Variants in TELO2 observed in about 807,000 individuals in gnomAD.
The protein encoded by TELO2 is telomere maintenance 2.
Under a neutral mutation model 91.0 loss-of-function variants are expected in TELO2, and 71 were observed. That is an observed-to-expected ratio of 0.78 (90% CI 0.64 to 0.95). The LOEUF (loss-of-function observed/expected upper bound fraction) is 0.95, where lower values mean the gene tolerates loss of function less well. Among genes scored for constraint, TELO2 ranks in the 40% least tolerant of loss-of-function variants. The pLI, the probability that TELO2 is intolerant of heterozygous loss-of-function variation, is 0.00. For missense variants in TELO2, 1,183 were observed against 1,141.3 expected (o/e 1.04, Z -0.53); for synonymous variants, 584 against 518.9 (o/e 1.13, Z -1.71).
chr16:1,497,737 C>T lies in TELO2; in HGVS notation c.830+229C>T, dbSNP rs571098523. Among the ~76,000 whole-genome samples the T allele has an allele frequency of 8.5e-5, 13 of 152,284 alleles. No individual in the cohort carries two copies. Among genetic ancestry groups the T allele is most frequent in the African/African-American group, 3.1e-4 (13 of 41,568 alleles). Reference sequence around the variant, plus strand: ...AATAGCATCGATGCTGTGAACAGCCCACACCGTAAAGGCGCCTGTACCTTG... The same window carrying T: ...AATAGCATCGATGCTGTGAACAGCCTACACCGTAAAGGCGCCTGTACCTTG... On this transcript the variant is annotated intron_variant, in intron 5 of 20. Transcript: ENST00000262319. The surrounding 1 kb of genome is among the most constrained non-coding windows in gnomAD (Gnocchi z 4.0).
intron 16 of TELO2, among the ~76,000 whole-genome samples, 196 bp from the exon 17 acceptor site, chr16:1,506,032 GGTCTGCTGTC>G (rs2039880284): frequency 6.6e-6 from 1 of 152,232 alleles, no homozygotes; most frequent in Non-Finnish European, 1.5e-5. Flanking sequence ...GGGAACGCCT[GGTCTGCTGTC>G]CAGGCATTGG....
intron 12 of TELO2, 37 bp downstream of exon 12, chr16:1,502,172 G>A: frequency 6.2e-7 from 1 of 1,610,170 alleles, no homozygotes; most frequent in South Asian, 1.1e-5. Context: ...GCTGGGCTGG[G>A]CATGGGTCCC....
Position 1,505,234 on chromosome 16 carries a change from C to T in TELO2, c.1843-176C>T, listed in dbSNP as rs1222767422. On this transcript the variant is annotated intron_variant, in intron 15 of 20. Coordinates refer to ENST00000262319, the MANE Select transcript of TELO2 (RefSeq NM_016111.4). The surrounding 1 kb of genome is among the most constrained non-coding windows in gnomAD (Gnocchi z 4.3). Reference sequence around the variant, plus strand: ...CCACCTTCCCCACCTTCCCGCCTACCAAGGCGCGGTTGCTGTGAGCTACGG... The same window carrying T: ...CCACCTTCCCCACCTTCCCGCCTACTAAGGCGCGGTTGCTGTGAGCTACGG... The T allele has an allele frequency of 1.4e-6, 1 of 701,530 alleles. No homozygotes were observed. Among genetic ancestry groups the T allele is most frequent in the Non-Finnish European group, 2.3e-6 (1 of 436,286 alleles). 43.5% of individuals were successfully genotyped at this position (701,530 alleles called of 1,614,324 possible). A position where few individuals can be genotyped will look rare whatever the true frequency, so the allele number is the denominator to read the frequency against.
chr16:1,509,353 G>A (rs781298791), intron 20 of TELO2, among the ~76,000 whole-genome samples: 6 of 151,920 alleles, frequency 3.9e-5, no homozygotes, highest in East Asian at 1.9e-4. Context: ...AAGGCTCCCC[G>A]GGGCCCCAGG....
At chr16:1,501,972 G>A in intron 11 of TELO2, 75 bp from the exon 12 acceptor site, 1 of 1,593,016 alleles carries the variant, frequency 6.3e-7, no homozygotes, top group Non-Finnish European at 8.6e-7. Context: ...GGGGAGGAGA[G>A]AGGGGCTGGC....
intron 5 of TELO2, among the ~76,000 whole-genome samples, chr16:1,499,010 C>T (rs533163236): frequency 1.6e-4 from 25 of 152,340 alleles, no homozygotes; most frequent in South Asian, 6.2e-4. Context: ...CGCCTCCGCC[C>T]GGGCTGCGGT....
At position 1,497,249 on chromosome 16, in the gene TELO2, G is replaced by T; in HGVS notation, c.683-112G>T. ...CTGTCCTGGGCCCGTGGGATCTGGG[G>T]CTCAGCTGTGCTTACTGGGGAGCTG... is the stretch of plus-strand genomic sequence containing the variant. On this transcript the variant is annotated intron_variant, in intron 4 of 20. Coordinates refer to ENST00000262319, the MANE Select transcript of TELO2 (RefSeq NM_016111.4). The surrounding 1 kb of genome is among the most constrained non-coding windows in gnomAD (Gnocchi z 4.0). The T allele has an allele frequency of 6.7e-7, 1 of 1,489,938 alleles. No homozygotes were observed. Among genetic ancestry groups the T allele is most frequent in the Non-Finnish European group, 9.0e-7 (1 of 1,111,776 alleles). The allele number at this position is 1,489,938 out of a possible 1,614,324, so 92.3% of individuals were successfully genotyped here.
At position 1,494,175 on chromosome 16, in the gene TELO2, C is replaced by A; in HGVS notation, c.-36-71C>A. 1 of 1,116,004 alleles carries A rather than the reference C, an allele frequency of 9.0e-7. No homozygotes were observed. Among genetic ancestry groups the A allele is most frequent in the Non-Finnish European group, 1.3e-6 (1 of 782,438 alleles). 69.1% of individuals were successfully genotyped at this position (1,116,004 alleles called of 1,614,324 possible). Reference sequence around the variant, plus strand: ...GAGGGGTGTGGGGTCTCGGGGCGCTCACCGAGGGGCTTCCTGAGCTTGTGT... The same window carrying A: ...GAGGGGTGTGGGGTCTCGGGGCGCTAACCGAGGGGCTTCCTGAGCTTGTGT... On this transcript the variant is annotated intron_variant, in intron 1 of 20. Coordinates refer to ENST00000262319, the MANE Select transcript of TELO2 (RefSeq NM_016111.4). The surrounding 1 kb of genome is among the most constrained non-coding windows in gnomAD (Gnocchi z 5.6).
rs1237510271 is a variant in TELO2 at position 1,510,044 on chromosome 16, G to A, written c.*108G>A. ...TTGTAGCGAGGCCAGGTCTTCGGCC[G>A]CATCCGGTACGGAGAGTGCAGATGC... On this transcript the variant is annotated 3_prime_UTR_variant, in exon 21 of 21. Transcript: ENST00000262319. 1.4e-5 allele frequency: 13 copies of A among 941,822 alleles called. No homozygotes were observed. Among genetic ancestry groups the A allele is most frequent in the Admixed American group, 8.9e-5 (4 of 45,192 alleles). 58.3% of individuals were successfully genotyped at this position (941,822 alleles called of 1,614,324 possible). A position where few individuals can be genotyped will look rare whatever the true frequency, so the allele number is the denominator to read the frequency against.
chr16:1,506,180 G>T (rs1390276390), intron 16 of TELO2, 58 bp from the exon 17 acceptor site: 4 of 1,577,846 alleles, frequency 2.5e-6, no homozygotes, highest in Non-Finnish European at 3.5e-6. Context: ...CGGGCTAGGG[G>T]TGCCGTGCCC....
At position 1,494,294 on chromosome 16, in the gene TELO2, C is replaced by A; in HGVS notation, c.13C>A (p.Pro5Thr). 3 of 1,612,836 alleles carry A rather than the reference C, an allele frequency of 1.9e-6. No homozygotes were observed. The highest frequency in any genetic ancestry group is 2.2e-5 in the East Asian group (1 of 44,858). Reference protein sequence around the residue: MEPAPSEVRLAVREA... With the variant: MEPATSEVRLAVREA... Reference sequence around the variant, plus strand: ...TCTGTCCTGCAGGATGGAGCCAGCACCCTCAGAGGTTCGACTCGCCGTCCG... The same window carrying A: ...TCTGTCCTGCAGGATGGAGCCAGCAACCTCAGAGGTTCGACTCGCCGTCCG... The change falls in exon 2 of 21, where the codon CCC (proline) becomes ACC (threonine). Residue 5 changes from proline (P) to threonine (T), a missense_variant. By Grantham distance (38) the Pro-to-Thr change is conservative (BLOSUM62 -1). Transcript: ENST00000262319. The surrounding 1 kb of genome is among the most constrained non-coding windows in gnomAD (Gnocchi z 5.6).
At position 1,497,755 on chromosome 16, in the gene TELO2, G is replaced by C. The variant is rs553320105; in HGVS notation, c.830+247G>C. The stretch of plus-strand genomic sequence containing the variant: ...AACAGCCCACACCGTAAAGGCGCCT[G>C]TACCTTGGGCCGTCCACCCGTCCTG... On this transcript the variant is annotated intron_variant, in intron 5 of 20. Transcript: ENST00000262319. The surrounding 1 kb of genome is among the most constrained non-coding windows in gnomAD (Gnocchi z 4.0). 1.3e-5 allele frequency among the ~76,000 whole-genome samples: 2 copies of C among 152,194 alleles called. No homozygotes were observed. The highest frequency in any genetic ancestry group is 2.9e-5 in the Non-Finnish European group (2 of 68,036).
chr16:1,500,218 G>A (rs964776390), intron 7 of TELO2, 54 bp downstream of exon 7: 16 of 1,553,376 alleles, frequency 1.0e-5, no homozygotes, highest in East Asian at 2.4e-5. Context: ...AGAGCCGTGC[G>A]GGGCTCACCT....
chr16:1,495,335 C>T lies in TELO2; in HGVS notation c.336-11C>T, dbSNP rs1000646950. 1.2e-5 allele frequency: 19 copies of T among 1,534,536 alleles called. No homozygotes were observed. Among genetic ancestry groups the T allele is most frequent in the East Asian group, 4.9e-5 (2 of 40,664 alleles). ...GGTTGGCGGCTCTGCCCAACACGCCCGTATCTTCAGCCCCAGCTTCCGGCT... is the reference window on the plus strand; with the variant it reads ...GGTTGGCGGCTCTGCCCAACACGCCTGTATCTTCAGCCCCAGCTTCCGGCT... On this transcript the variant is annotated splice_polypyrimidine_tract_variant and intron_variant, in intron 2 of 20. Transcript: ENST00000262319.
At chr16:1,499,981 T>C (rs1440749114) in intron 6 of TELO2, 115 bp from the exon 7 acceptor site, 2 of 1,244,576 alleles carry the variant, frequency 1.6e-6, no homozygotes, top group African/African-American at 3.0e-5. Context: ...CCCATGCTTG[T>C]CCGTCTGCTG....
rs780759033 is a variant in TELO2 at position 1,497,019 on chromosome 16, C to T, written c.614-17C>T. On this transcript the variant is annotated splice_polypyrimidine_tract_variant and intron_variant, in intron 3 of 20. Coordinates refer to ENST00000262319, the MANE Select transcript of TELO2 (RefSeq NM_016111.4). The surrounding 1 kb of genome is among the most constrained non-coding windows in gnomAD (Gnocchi z 4.0). ...CTTCCCGCCGGCTTCCTCATCAGGC[C>T]TCCCTTTCTGTCCCAGGTGGCCTGG... The T allele has an allele frequency of 1.9e-6, 3 of 1,613,494 alleles. No individual in the cohort carries two copies. The highest frequency in any genetic ancestry group is 1.7e-6 in the Non-Finnish European group (2 of 1,179,686).
At chr16:1,503,130 AGT>A (rs1215764216) in intron 15 of TELO2, 128 bp downstream of exon 15, 4 of 1,030,780 alleles carry the variant, frequency 3.9e-6, no homozygotes, top group Non-Finnish European at 5.9e-6. Flanking sequence ...TGCCTTCGTG[AGT>A]GTGTGACCCG....
At position 1,497,515 on chromosome 16, in the gene TELO2, A is replaced by G; in HGVS notation, c.830+7A>G. On this transcript the variant is annotated splice_region_variant and intron_variant, in intron 5 of 20. Transcript: ENST00000262319. The surrounding 1 kb of genome is among the most constrained non-coding windows in gnomAD (Gnocchi z 4.0). ...TGGTGGAGGCCGCACTGGGGTAAGC[A>G]GCCAGGCTGTCCTCCAGCTGCACTG... The G allele has an allele frequency of 6.4e-7, 1 of 1,551,118 alleles. No individual in the cohort carries two copies. Among genetic ancestry groups the G allele is most frequent in the East Asian group, 2.4e-5 (1 of 41,598 alleles).
chr16:1,495,682 G>A (rs528976575), intron 3 of TELO2, 59 bp downstream of exon 3: 4 of 1,524,572 alleles, frequency 2.6e-6, no homozygotes, highest in East Asian at 4.5e-5. Flanking sequence ...CTCGTCCCCT[G>A]CCACCCTCTG....
Sources: gnomAD v4.1 joint callset for allele counts (sites outside exome capture counted in the v4.1 genomes callset) on GRCh38, gnomAD v4.1.1 for gene constraint, Gnocchi (gnomAD v3.1) non-coding constraint, MANE v1.5 for transcripts, NCBI Gene and HGNC (gene_info 2026-07-23, HGNC 2026-07-21) for gene names.